The following RAPGEF6 variants were observed in gnomAD, a reference collection of about 807,000 sequenced individuals.
RAPGEF6 encodes Rap guanine nucleotide exchange factor 6.
RAPGEF6 carries 56 observed loss-of-function variants against 171.4 expected under a neutral mutation model. The ratio of observed to expected loss-of-function variants is 0.33; its 90% CI spans 0.26 to 0.41. The LOEUF (loss-of-function observed/expected upper bound fraction) is 0.41, where lower values mean the gene tolerates loss of function less well. RAPGEF6 is among the 10% of genes least tolerant of loss of function. RAPGEF6 has a pLI of 1.00. For synonymous variants in RAPGEF6, 692 were observed against 650.1 expected, an observed-to-expected ratio of 1.06 and a Z score of -0.98; for missense variants, 1,674 against 1,921.4, an observed-to-expected ratio of 0.87 and a Z score of 2.41.
chr5:131,436,118 T>C (rs1346974579), intron 24 of RAPGEF6: 7 of 1,537,958 alleles, frequency 4.6e-6, no homozygotes, highest in Non-Finnish European at 8.7e-7. Flanking sequence ...TTGTGATCTG[T>C]GTCCTCTTTT....
intron 4 of RAPGEF6, 79 bp downstream of exon 4, chr5:131,592,304 C>T: frequency 6.5e-7 from 1 of 1,533,808 alleles, no homozygotes; most frequent in Non-Finnish European, 8.8e-7. Context: ...AGATGTATCA[C>T]TTACTGAAAG....
At chr5:131,460,436 GTCAA>G (rs1753836350) in intron 19 of RAPGEF6, among the ~76,000 whole-genome samples, 1 of 152,030 alleles carries the variant, frequency 6.6e-6, no homozygotes, top group Non-Finnish European at 1.5e-5. Flanking sequence ...TTCTCTCAGT[GTCAA>G]TCAATTTTCT....
At chr5:131,634,859 G>A in intron 1 of RAPGEF6, 103 bp downstream of exon 1, 2 of 1,292,742 alleles carry the variant, frequency 1.5e-6, no homozygotes, top group South Asian at 2.4e-5. Context: ...CCCAGTAGCA[G>A]GTGCGAGACT....
chr5:131,443,223 G>A (rs1194535727), intron 22 of RAPGEF6, among the ~76,000 whole-genome samples: 5 of 152,044 alleles, frequency 3.3e-5, no homozygotes, highest in Non-Finnish European at 7.4e-5. Flanking sequence ...GATTACAGGC[G>A]TGAGCCACTG....
chr5:131,528,197 T>C (rs1258678967), intron 6 of RAPGEF6, among the ~76,000 whole-genome samples: 1 of 126,500 alleles, frequency 7.9e-6, no homozygotes, highest in Non-Finnish European at 1.6e-5. Flanking sequence ...ATTATAATTA[T>C]ATATATTATA....
chr5:131,436,972 T>C (rs926581611), intron 24 of RAPGEF6, among the ~76,000 whole-genome samples: 1 of 152,232 alleles, frequency 6.6e-6, no homozygotes, highest in African/African-American at 2.4e-5. Flanking sequence ...AAGACAGGTT[T>C]ATTTTCTTAA....
At chr5:131,594,444 G>C (rs913277428) in intron 3 of RAPGEF6, among the ~76,000 whole-genome samples, 1 of 152,272 alleles carries the variant, frequency 6.6e-6, no homozygotes, top group Admixed American at 6.5e-5. Flanking sequence ...GAAGTGTGCT[G>C]TAGAGGCAGA....
intron 4 of RAPGEF6, among the ~76,000 whole-genome samples, chr5:131,576,225 T>C (rs753023369): frequency 6.6e-6 from 1 of 152,188 alleles, no homozygotes; most frequent in Non-Finnish European, 1.5e-5. Context: ...TTACTGATGG[T>C]AGTTCTTCAA....
chr5:131,449,879 T>C, intron 21 of RAPGEF6: 1 of 880,082 alleles, frequency 1.1e-6, no homozygotes, highest in Non-Finnish European at 1.7e-6. Context: ...TTCACCTTGT[T>C]AGCAGAAGGC....
chr5:131,562,137 C>T, intron 4 of RAPGEF6, 90 bp from the exon 5 acceptor site: 1 of 843,998 alleles, frequency 1.2e-6, no homozygotes, highest in Non-Finnish European at 1.8e-6. Flanking sequence ...AACAAAAAAG[C>T]CCTGAGATAT....
intron 1 of RAPGEF6, among the ~76,000 whole-genome samples, chr5:131,624,260 A>G (rs1241109376): frequency 6.6e-6 from 1 of 152,234 alleles, no homozygotes; most frequent in Non-Finnish European, 1.5e-5. Flanking sequence ...TCAGAACTGG[A>G]GTCCAGATTT....
chr5:131,618,198 A>G (rs1190481030), intron 1 of RAPGEF6, among the ~76,000 whole-genome samples: 2 of 152,242 alleles, frequency 1.3e-5, no homozygotes, highest in African/African-American at 4.8e-5. Flanking sequence ...GGAGCACTTT[A>G]ATAATTAAAA....
At position 131,521,453 on chromosome 5, in the gene RAPGEF6, A is replaced by G. The variant is rs1026681989; in HGVS notation, c.564T>C (p.Ser188=). The part of the protein sequence containing the change: ...NPHPQVTHVS[S]SQSGCSIASD... The stretch of plus-strand genomic sequence containing the variant: ...TGGCAATGCTACAACCAGACTGACT[A>G]GAAGACACATGAGTCACCTGTGGAT... Residue 188 remains serine, a synonymous_variant, in exon 7 of 28, where the codon TCT becomes TCC. Coordinates refer to ENST00000509018, the MANE Select transcript of RAPGEF6 (RefSeq NM_016340.6). 1.2e-6 allele frequency: 2 copies of G among 1,612,862 alleles called. No individual in the cohort carries two copies.
chr5:131,579,665 T>C lies in RAPGEF6; in HGVS notation c.281+12718A>G, dbSNP rs1321524009. ...TAGACACAGGGTGCTGACTGGTGCA[T>C]TTACAATCCTTTAGCTAGAAACAAA... On this transcript the variant is annotated intron_variant, in intron 4 of 27. Coordinates refer to ENST00000509018, the MANE Select transcript of RAPGEF6 (RefSeq NM_016340.6). Among the ~76,000 whole-genome samples the C allele has an allele frequency of 4.1e-4, 63 of 152,270 alleles. 1 individual carries two copies. The highest frequency in any genetic ancestry group is 1.6e-4 in the Non-Finnish European group (11 of 68,000).
At chr5:131,430,084 A>G (rs1751606438) in intron 26 of RAPGEF6, among the ~76,000 whole-genome samples, 1 of 151,742 alleles carries the variant, frequency 6.6e-6, no homozygotes, top group Non-Finnish European at 1.5e-5. Flanking sequence ...AAAATGAATG[A>G]GCTAAAAACC....
chr5:131,498,087 T>C (rs899653202), intron 12 of RAPGEF6, among the ~76,000 whole-genome samples: 1 of 152,244 alleles, frequency 6.6e-6, no homozygotes. Context: ...ATGTATTTGA[T>C]GAATATTCTT....
chr5:131,569,538 T>C (rs1561570330), intron 4 of RAPGEF6, among the ~76,000 whole-genome samples: 2 of 152,102 alleles, frequency 1.3e-5, no homozygotes, highest in Admixed American at 6.5e-5. Context: ...AATATATATA[T>C]ACAAACAAAA....
intron 20 of RAPGEF6, among the ~76,000 whole-genome samples, chr5:131,453,541 T>C (rs973482644): frequency 1.3e-5 from 2 of 152,076 alleles, no homozygotes; most frequent in South Asian, 2.1e-4. Flanking sequence ...CAATGAGCCA[T>C]GACTGTGCCA....
At chr5:131,438,317 T>C (rs1364969266) in intron 24 of RAPGEF6, among the ~76,000 whole-genome samples, 2 of 152,206 alleles carry the variant, frequency 1.3e-5, no homozygotes, top group Non-Finnish European at 2.9e-5. Context: ...GTAACACAGC[T>C]ACAGTGGAGG....
Sources: allele counts gnomAD v4.1 joint callset (sites outside exome capture counted in the v4.1 genomes callset), GRCh38; gene constraint gnomAD v4.1.1; transcripts MANE v1.5; gene names NCBI Gene and HGNC (gene_info 2026-07-23, HGNC 2026-07-21).